PINLYP: variants seen among roughly 807,000 people sequenced by gnomAD.
PINLYP encodes phospholipase A2 inhibitor and Ly6/PLAUR domain-containing protein.
Under a neutral mutation model 15.8 loss-of-function variants are expected in PINLYP, and 12 were observed. The observed-to-expected ratio is 0.76, with a 90% CI of 0.49 to 1.23. The LOEUF is 1.23. Among genes scored for constraint, PINLYP ranks in the 50% most tolerant of loss-of-function variants. The pLI is 0.00. For missense variants in PINLYP, 278 were observed against 264.2 expected, an observed-to-expected ratio of 1.05 and a Z score of -0.36; for synonymous variants, 93 against 97.7, an observed-to-expected ratio of 0.95 and a Z score of 0.28.
chr19:43,580,867 C>T (rs921708706), intron 3 of PINLYP, among the ~76,000 whole-genome samples: 2 of 152,030 alleles, frequency 1.3e-5, no homozygotes, highest in Non-Finnish European at 2.9e-5. Flanking sequence ...TTTGGGAGGC[C>T]GAGGCGGGCG....
intron 3 of PINLYP, 184 bp from the exon 4 acceptor site, chr19:43,581,028 G>A (rs1972924335): frequency 1.5e-6 from 1 of 676,406 alleles, no homozygotes; most frequent in Non-Finnish European, 2.3e-6. Flanking sequence ...CCAAGATCGC[G>A]CCATTGCACT....
At chr19:43,576,995 T>C (rs934589371) in intron 1 of PINLYP, 76 bp downstream of exon 1, 3 of 973,788 alleles carry the variant, frequency 3.1e-6, no homozygotes, top group Non-Finnish European at 2.9e-6. Context: ...GGGGTCTCCA[T>C]GGAGGTGGGG....
chr19:43,577,326 A>G, intron 2 of PINLYP, 65 bp downstream of exon 2: 1 of 1,478,124 alleles, frequency 6.8e-7, no homozygotes, highest in Middle Eastern at 1.7e-4. Flanking sequence ...AGATTGAGAG[A>G]GAGAGAGATA....
At chr19:43,582,034 G>A in exon 6 of PINLYP, 1 of 1,535,038 alleles carries the variant, frequency 6.5e-7, no homozygotes, top group East Asian at 2.4e-5. Context: ...ATAATGTAGT[G>A]TGAAGTCCCC....
chr19:43,577,165 G>A, exon 2 of PINLYP: 1 of 1,536,050 alleles, frequency 6.5e-7, no homozygotes, highest in Non-Finnish European at 8.7e-7. Context: ...TAAAAGCTGG[G>A]GACCAGGTAC....
At chr19:43,577,310 GGTCCC>G in intron 2 of PINLYP, 49 bp downstream of exon 2, 2 of 1,514,294 alleles carry the variant, frequency 1.3e-6, no homozygotes, top group South Asian at 1.2e-5. Flanking sequence ...GGAAGAGAGA[GGTCCC>G]AGATTGAGAG....
Position 43,576,553 on chromosome 19 carries a change from ATC to A in PINLYP, c.-442_-441del, listed in dbSNP as rs1972866663. ...GTTTCCCAATATGTGGACTGTGGGC[ATC>A]TGTCTTTTACTACGCCCGCCTATGA... is the stretch of plus-strand genomic sequence containing the variant. On this transcript the variant is annotated 5_prime_UTR_variant, in exon 1 of 6. In the 5' UTR this introduces an upstream ATG that the reference lacks. Transcript: ENST00000599207. 6.6e-6 allele frequency among the ~76,000 whole-genome samples: 1 copy of A among 152,118 alleles called. No individual in the cohort carries two copies. The highest frequency in any genetic ancestry group is 2.1e-4 in the South Asian group (1 of 4,834).
At chr19:43,577,333 G>GAT in intron 2 of PINLYP, 72 bp downstream of exon 2, 1 of 1,399,352 alleles carries the variant, frequency 7.1e-7, no homozygotes, top group Non-Finnish European at 9.5e-7. Context: ...GAGAGAGAGA[G>GAT]ATATAGAGAG....
chr19:43,582,093 G>T, exon 6 of PINLYP: 1 of 1,380,002 alleles, frequency 7.2e-7, no homozygotes, highest in South Asian at 1.3e-5. Context: ...GAAGTTAATA[G>T]AGCAAGCCTG....
chr19:43,578,506 A>G, intron 2 of PINLYP, 84 bp from the exon 3 acceptor site: 1 of 961,972 alleles, frequency 1.0e-6, no homozygotes, highest in Non-Finnish European at 1.5e-6. Flanking sequence ...CTCCTCTCTC[A>G]GGACACAAAA....
chr19:43,581,480 C>T (rs1279893013), intron 4 of PINLYP, 83 bp from the exon 5 acceptor site: 10 of 1,507,024 alleles, frequency 6.6e-6, no homozygotes, highest in Admixed American at 6.2e-5. Context: ...TATTAGCAAC[C>T]CTGGTGTTTC....
chr19:43,578,895 T>C (rs538252729), intron 3 of PINLYP, 189 bp downstream of exon 3: 28 of 545,454 alleles, frequency 5.1e-5, no homozygotes, highest in African/African-American at 4.6e-4. Context: ...GTGATAGAAA[T>C]CATTATTGTC....
At chr19:43,581,275 T>A in exon 4 of PINLYP, 2 of 1,537,068 alleles carry the variant, frequency 1.3e-6, no homozygotes, top group Non-Finnish European at 1.7e-6. Flanking sequence ...TACTCCGGCG[T>A]TATATCCACC....
intron 2 of PINLYP, among the ~76,000 whole-genome samples, chr19:43,578,302 T>C (rs1972889210): frequency 6.6e-6 from 1 of 152,166 alleles, no homozygotes; most frequent in African/African-American, 2.4e-5. Context: ...TCCCTGCCCC[T>C]GAGCTTTCTC....
At chr19:43,581,248 T>C in exon 4 of PINLYP, 1 of 1,537,152 alleles carries the variant, frequency 6.5e-7, no homozygotes, top group Non-Finnish European at 8.7e-7. Flanking sequence ...AAGGGCTGCA[T>C]CAGGTCCCAG....
At chr19:43,577,566 T>C (rs1972881882) in intron 2 of PINLYP, among the ~76,000 whole-genome samples, 1 of 148,200 alleles carries the variant, frequency 6.7e-6, no homozygotes, top group African/African-American at 2.5e-5. Flanking sequence ...GATGAGAGCA[T>C]GGCTGGAAAG....
intron 3 of PINLYP, among the ~76,000 whole-genome samples, chr19:43,579,525 G>T (rs899008838): frequency 4.6e-5 from 7 of 151,454 alleles, no homozygotes; most frequent in African/African-American, 1.7e-4. Context: ...GGGATTACAG[G>T]CATGAGCTAC....
chr19:43,576,910 C>CCGGG lies in PINLYP; in HGVS notation c.-85_-84insGGCG. 2.1e-6 allele frequency: 1 copy of CCGGG among 475,552 alleles called. No individual in the cohort carries two copies. The highest frequency in any genetic ancestry group is 5.6e-4 in the Middle Eastern group (1 of 1,788). 29.5% of individuals were successfully genotyped at this position (475,552 alleles called of 1,614,324 possible). ...AAGCAAACAAACAAACAACAATGGGCCGTGGGAAGGTGAGAAAACAGGGTG... is the reference window on the plus strand; with the variant it reads ...AAGCAAACAAACAAACAACAATGGGCCGGGCGTGGGAAGGTGAGAAAACAGGGTG... On this transcript the variant is annotated 5_prime_UTR_variant, in exon 1 of 6. An upstream open reading frame in the 5' UTR loses its in-frame stop. Transcript: ENST00000599207.
chr19:43,581,663 G>A, exon 5 of PINLYP: 4 of 1,536,426 alleles, frequency 2.6e-6, no homozygotes, highest in Non-Finnish European at 3.5e-6. Flanking sequence ...GTACTGGAAA[G>A]GAAAACCACT....
Sources: allele counts gnomAD v4.1 joint callset (sites outside exome capture counted in the v4.1 genomes callset), GRCh38; gene constraint gnomAD v4.1.1; transcripts MANE v1.5; gene names NCBI Gene and HGNC (gene_info 2026-07-23, HGNC 2026-07-21).